Variants in JAZF1 observed in about 807,000 individuals in gnomAD.
JAZF1 encodes JAZF zinc finger 1, also known as juxtaposed with another zinc finger protein 1.
A neutral mutation model predicts 26.4 loss-of-function variants in JAZF1; 8 were observed. The ratio of observed to expected loss-of-function variants is 0.30; its 90% CI spans 0.18 to 0.55. The LOEUF is 0.55. Among genes scored for constraint, JAZF1 ranks in the 20% least tolerant of loss-of-function variants. The pLI, the probability that JAZF1 is intolerant of heterozygous loss-of-function variation, is 0.94. For missense variants in JAZF1, 199 were observed against 322.0 expected, an observed-to-expected ratio of 0.62 and a Z score of 2.92; for synonymous variants, 126 against 122.3, an observed-to-expected ratio of 1.03 and a Z score of -0.20.
intron 1 of JAZF1, among the ~76,000 whole-genome samples, chr7:28,016,733 TCC>T (rs1782900183): frequency 1.3e-5 from 2 of 152,074 alleles, no homozygotes; most frequent in African/African-American, 4.8e-5. Flanking sequence ...ACACAATCCC[TCC>T]CTAAAGAGCC....
intron 1 of JAZF1, among the ~76,000 whole-genome samples, chr7:28,135,705 T>C (rs1782872929): frequency 6.6e-6 from 1 of 152,196 alleles, no homozygotes; most frequent in African/African-American, 2.4e-5. Context: ...GTGAAGAGCA[T>C]GAACTATAAA....
intron 1 of JAZF1, among the ~76,000 whole-genome samples, chr7:28,049,574 CTGCAAGAATGTCCCTATTTCAGA>C (rs948926853): frequency 6.6e-6 from 1 of 152,206 alleles, no homozygotes; most frequent in African/African-American, 2.4e-5. Context: ...GGGCTCAGTC[CTGCAAGAATGTCCCTATTTCAGA>C]TGCCAATTGA....
At chr7:27,965,747 CA>C (rs1785262878) in intron 2 of JAZF1, among the ~76,000 whole-genome samples, 2 of 152,156 alleles carry the variant, frequency 1.3e-5, no homozygotes, top group Non-Finnish European at 2.9e-5. Context: ...AGCCAAAAAT[CA>C]TAAATCCTTC....
At chr7:28,174,685 G>GGCCCAAGGCACAGTGCC (rs1299754575) in intron 1 of JAZF1, among the ~76,000 whole-genome samples, 2 of 126,768 alleles carry the variant, frequency 1.6e-5, no homozygotes, top group Admixed American at 8.0e-5. Flanking sequence ...ATGTTCAACA[G>GGCCCAAGGCACAGTGCC]TGATGTTTTA....
intron 2 of JAZF1, among the ~76,000 whole-genome samples, chr7:27,935,128 T>C (rs1450198853): frequency 3.3e-5 from 5 of 152,188 alleles, no homozygotes; most frequent in Non-Finnish European, 5.9e-5. Context: ...ATTTGAGAAA[T>C]GCAAATCAAA....
chr7:27,847,083 C>A (rs191315146), intron 3 of JAZF1, among the ~76,000 whole-genome samples: 2 of 152,064 alleles, frequency 1.3e-5, no homozygotes, highest in Non-Finnish European at 2.9e-5. Flanking sequence ...GATTTTCCTG[C>A]CTCCCAAGTA....
intron 3 of JAZF1, among the ~76,000 whole-genome samples, chr7:27,857,901 A>G (rs1217243676): frequency 1.3e-5 from 2 of 152,216 alleles, no homozygotes; most frequent in East Asian, 3.9e-4. Flanking sequence ...GGCCAGGGCA[A>G]TCAGGCAAGA....
At chr7:27,947,859 A>C (rs1042022252) in intron 2 of JAZF1, among the ~76,000 whole-genome samples, 5 of 152,166 alleles carry the variant, frequency 3.3e-5, no homozygotes, top group Non-Finnish European at 5.9e-5. Flanking sequence ...AGCTGGCTGG[A>C]GACGGACACT....
intron 1 of JAZF1, among the ~76,000 whole-genome samples, chr7:28,163,992 T>C (rs1783328917): frequency 6.6e-6 from 1 of 152,276 alleles, no homozygotes. Flanking sequence ...GAATGTTATG[T>C]GCATGATGTG....
At position 28,005,412 on chromosome 7, in the gene JAZF1, CT is replaced by C. The variant is rs1424555487; in HGVS notation, c.116-13432del. Reference sequence around the variant, plus strand: ...ATCTCCCAGGGAAGCCGAATCATTGCTTAAAAAAAAAAAAAAAAGTCACAGG... The same window carrying C: ...ATCTCCCAGGGAAGCCGAATCATTGCTAAAAAAAAAAAAAAAAGTCACAGG... On this transcript the variant is annotated intron_variant, in intron 1 of 4. Transcript: ENST00000283928. 1.1e-4 allele frequency among the ~76,000 whole-genome samples: 16 copies of C among 147,880 alleles called. No individual in the cohort carries two copies. The South Asian group carries it at 2.3e-3, about 22-fold the overall frequency.
intron 2 of JAZF1, among the ~76,000 whole-genome samples, chr7:27,920,867 T>G (rs1784517336): frequency 6.6e-6 from 1 of 152,200 alleles, no homozygotes; most frequent in Non-Finnish European, 1.5e-5. Context: ...TTTAATTAAT[T>G]TCCTAATGTA....
chr7:28,016,628 T>C (rs1782898209), intron 1 of JAZF1, among the ~76,000 whole-genome samples: 1 of 152,112 alleles, frequency 6.6e-6, no homozygotes, highest in African/African-American at 2.4e-5. Flanking sequence ...CTAGACCAAA[T>C]ACATCACCCT....
At chr7:27,994,058 T>C (rs1156672405) in intron 1 of JAZF1, among the ~76,000 whole-genome samples, 1 of 152,198 alleles carries the variant, frequency 6.6e-6, no homozygotes, top group Non-Finnish European at 1.5e-5. Flanking sequence ...GTTCTAAATA[T>C]TACCTCTCCA....
chr7:28,017,888 C>A (rs1354198904), intron 1 of JAZF1, among the ~76,000 whole-genome samples: 2 of 152,220 alleles, frequency 1.3e-5, no homozygotes, highest in African/African-American at 4.8e-5. Context: ...ATTCTTGTGT[C>A]TCAGCCTTCC....
intron 1 of JAZF1, among the ~76,000 whole-genome samples, chr7:28,024,310 G>A (rs1329959638): frequency 2.0e-5 from 3 of 151,366 alleles, no homozygotes; most frequent in Non-Finnish European, 4.4e-5. Context: ...GAAAAACAAA[G>A]AGAGAGAGAG....
At position 27,877,384 on chromosome 7, in the gene JAZF1, C is replaced by T. The variant is rs562385891; in HGVS notation, c.385+17836G>A. Reference sequence around the variant, plus strand: ...TGGAAGCGAACATGGAAAGGTATAACGGTCTGAACGGGGTATGGGGTAAAA... The same window carrying T: ...TGGAAGCGAACATGGAAAGGTATAATGGTCTGAACGGGGTATGGGGTAAAA... On this transcript the variant is annotated intron_variant, in intron 3 of 4. Transcript: ENST00000283928. Among the ~76,000 whole-genome samples, 35 of 152,266 alleles carry T rather than the reference C, an allele frequency of 2.3e-4. No individual in the cohort carries two copies. In the South Asian group the frequency reaches 7.0e-3, roughly 31 times the overall value.
At chr7:28,016,920 G>A (rs779243485) in intron 1 of JAZF1, among the ~76,000 whole-genome samples, 30 of 152,190 alleles carry the variant, frequency 2.0e-4, no homozygotes, top group Non-Finnish European at 3.4e-4. Context: ...GGAAGGACAA[G>A]GGTCAATAAG....
intron 1 of JAZF1, among the ~76,000 whole-genome samples, chr7:28,135,690 C>G (rs59611710): frequency 0.013 from 1,985 of 152,254 alleles, 34 homozygotes; most frequent in African/African-American, 0.045. Flanking sequence ...TAAGTCTGAT[C>G]AATAGTGAAG....
At chr7:28,054,380 G>A (rs1029113274) in intron 1 of JAZF1, among the ~76,000 whole-genome samples, 1 of 152,156 alleles carries the variant, frequency 6.6e-6, no homozygotes, top group Non-Finnish European at 1.5e-5. Context: ...TTCAACTAGT[G>A]TATGGCAAGG....
Sources: allele counts gnomAD v4.1 joint callset (sites outside exome capture counted in the v4.1 genomes callset), GRCh38; gene constraint gnomAD v4.1.1; transcripts MANE v1.5; gene names NCBI Gene and HGNC (gene_info 2026-07-23, HGNC 2026-07-21).